The following CREB5 variants were observed in gnomAD, a reference collection of about 807,000 sequenced individuals.
The protein encoded by CREB5 is cyclic AMP-responsive element-binding protein 5.
In CREB5, 19 loss-of-function variants were observed where a neutral mutation model predicts 57.1. The ratio of observed to expected loss-of-function variants is 0.33; its 90% CI spans 0.23 to 0.49. The LOEUF (loss-of-function observed/expected upper bound fraction) is 0.49, where lower values mean the gene tolerates loss of function less well. CREB5 is among the 20% of genes least tolerant of loss of function. CREB5 has a pLI of 0.99. For synonymous variants in CREB5, 238 were observed against 238.3 expected, an observed-to-expected ratio of 1.00 and a Z score of 0.01; for missense variants, 579 against 671.6, an observed-to-expected ratio of 0.86 and a Z score of 1.52.
At chr7:28,745,752 A>G (rs1238832895) in intron 7 of CREB5, among the ~76,000 whole-genome samples, 1 of 152,056 alleles carries the variant, frequency 6.6e-6, no homozygotes, top group African/African-American at 2.4e-5. Flanking sequence ...TTTCCTTCTT[A>G]CCCCTGGCAG....
intron 5 of CREB5, among the ~76,000 whole-genome samples, chr7:28,578,069 A>G (rs1286933173): frequency 1.3e-5 from 2 of 152,184 alleles, no homozygotes; most frequent in Non-Finnish European, 2.9e-5. Flanking sequence ...TTCTAGAATT[A>G]TTATTATTTG....
chr7:28,738,149 T>C (rs543032676), intron 7 of CREB5, among the ~76,000 whole-genome samples: 1 of 152,340 alleles, frequency 6.6e-6, no homozygotes, highest in East Asian at 1.9e-4. Context: ...ATTTTTACTA[T>C]GTCTGTGCAA....
intron 5 of CREB5, among the ~76,000 whole-genome samples, chr7:28,616,502 A>G (rs1797601444): frequency 6.6e-6 from 1 of 151,932 alleles, no homozygotes; most frequent in South Asian, 2.1e-4. Context: ...AGAAACAACT[A>G]TAGGAAATAA....
intron 9 of CREB5, among the ~76,000 whole-genome samples, chr7:28,811,163 C>T (rs1256251637): frequency 6.6e-6 from 1 of 151,998 alleles, no homozygotes; most frequent in Admixed American, 6.6e-5. Context: ...TGAATGGGTT[C>T]CCCTGTTTAT....
chr7:28,812,518 C>T (rs1583805157), intron 9 of CREB5, among the ~76,000 whole-genome samples: 3 of 152,088 alleles, frequency 2.0e-5, no homozygotes, highest in East Asian at 1.9e-4. Flanking sequence ...GCTCCCAAAA[C>T]CAGAAAAAAA....
chr7:28,476,156 T>G (rs1298522189), intron 1 of CREB5, among the ~76,000 whole-genome samples: 1 of 152,188 alleles, frequency 6.6e-6, no homozygotes, highest in African/African-American at 2.4e-5. Flanking sequence ...GAGGTCCTTC[T>G]CGGGATCATA....
chr7:28,545,097 T>A, intron 4 of CREB5, among the ~76,000 whole-genome samples: 1 of 152,150 alleles, frequency 6.6e-6, no homozygotes, highest in East Asian at 1.9e-4. Context: ...ACTGCTTAGA[T>A]CAATATTATG....
intron 5 of CREB5, among the ~76,000 whole-genome samples, chr7:28,679,052 C>CTTCT (rs1554284427): frequency 8.1e-6 from 1 of 123,866 alleles, no homozygotes; most frequent in Non-Finnish European, 1.6e-5. Context: ...TTTTGTAGTT[C>CTTCT]TTTTTTTTTT....
chr7:28,352,085 C>A (rs1786200637), intron 1 of CREB5, among the ~76,000 whole-genome samples: 1 of 152,156 alleles, frequency 6.6e-6, no homozygotes, highest in South Asian at 2.1e-4. Context: ...AGGCATAGAG[C>A]TGCTATGTTA....
At chr7:28,372,116 G>T (rs7782982) in intron 1 of CREB5, among the ~76,000 whole-genome samples, 123,901 of 152,118 alleles carry the variant, frequency 0.81, 50,720 homozygotes, top group East Asian at 1. Flanking sequence ...CAGGCGCTGG[G>T]CTGGCGTATA....
intron 4 of CREB5, among the ~76,000 whole-genome samples, chr7:28,543,571 T>C (rs1331327336): frequency 7.3e-6 from 1 of 137,210 alleles, no homozygotes; most frequent in Non-Finnish European, 1.5e-5. Context: ...TCAAATATCA[T>C]TTTAGGTAAA....
chr7:28,549,899 C>G (rs540658682), intron 4 of CREB5, among the ~76,000 whole-genome samples: 1 of 152,314 alleles, frequency 6.6e-6, no homozygotes, highest in African/African-American at 2.4e-5. Flanking sequence ...GTCACATGAA[C>G]TAAGACCCTA....
chr7:28,767,168 C>A (rs1806051514), intron 7 of CREB5, among the ~76,000 whole-genome samples: 1 of 152,204 alleles, frequency 6.6e-6, no homozygotes, highest in Non-Finnish European at 1.5e-5. Flanking sequence ...AAAATGACTT[C>A]ATTCACAATT....
At chr7:28,570,683 G>A in intron 5 of CREB5, 146 bp downstream of exon 5, 1 of 928,006 alleles carries the variant, frequency 1.1e-6, no homozygotes, top group African/African-American at 1.7e-5. Flanking sequence ...CTTTTGATGG[G>A]AGAAGGGAGG....
intron 1 of CREB5, among the ~76,000 whole-genome samples, chr7:28,393,678 A>T (rs556755910): frequency 6.6e-6 from 1 of 152,312 alleles, no homozygotes. Flanking sequence ...ATAGCTTAGG[A>T]ATAAGTGAAA....
At chr7:28,663,851 G>C (rs1307436689) in intron 5 of CREB5, among the ~76,000 whole-genome samples, 1 of 152,120 alleles carries the variant, frequency 6.6e-6, no homozygotes, top group Non-Finnish European at 1.5e-5. Flanking sequence ...CTTCTTTCAT[G>C]TGCTTTAGTA....
At chr7:28,404,199 C>T (rs146796249) in intron 1 of CREB5, among the ~76,000 whole-genome samples, 41 of 152,250 alleles carry the variant, frequency 2.7e-4, no homozygotes, top group African/African-American at 9.1e-4. Flanking sequence ...AACTATGGGC[C>T]GCCCTATCTT....
chr7:28,521,118 C>G (rs1793187199), intron 4 of CREB5, among the ~76,000 whole-genome samples: 1 of 152,072 alleles, frequency 6.6e-6, no homozygotes, highest in African/African-American at 2.4e-5. Context: ...GCCAAGGCAC[C>G]CATTGCACAG....
At chr7:28,648,847 A>AAAACC (rs1340758597) in intron 5 of CREB5, among the ~76,000 whole-genome samples, 1 of 152,226 alleles carries the variant, frequency 6.6e-6, no homozygotes, top group African/African-American at 2.4e-5. Flanking sequence ...ATTTAAAAAC[A>AAAACC]AAACCAAACC....
Sources: allele counts gnomAD v4.1 joint callset (sites outside exome capture counted in the v4.1 genomes callset), GRCh38; gene constraint gnomAD v4.1.1; transcripts MANE v1.5; gene names NCBI Gene and HGNC (gene_info 2026-07-23, HGNC 2026-07-21).